The following ABCA12 variants were observed in gnomAD, a reference collection of about 807,000 sequenced individuals.
The protein encoded by ABCA12 is glucosylceramide transporter ABCA12.
Under a neutral mutation model 293.5 loss-of-function variants are expected in ABCA12, and 156 were observed. That is an observed-to-expected ratio of 0.53 (90% CI 0.47 to 0.61). ABCA12 has a LOEUF of 0.61. Ranked by LOEUF, ABCA12 falls within the 20% of genes least tolerant of loss-of-function variation. The probability of loss-of-function intolerance (pLI) is 0.00; values close to 1 mark genes in which losing one functional copy is unlikely to be tolerated. For synonymous variants in ABCA12, 1,063 were observed against 1,108.0 expected (o/e 0.96, Z 0.81); for missense variants, 2,797 against 3,090.2 (o/e 0.91, Z 2.25).
At chr2:214,942,623 A>G (rs1396660913) in intron 50 of ABCA12, among the ~76,000 whole-genome samples, 1 of 152,180 alleles carries the variant, frequency 6.6e-6, no homozygotes, top group Non-Finnish European at 1.5e-5. Context: ...ACCTGAGAGT[A>G]ATTTGGTTAT....
At chr2:214,984,667 C>T (rs781027425) in intron 28 of ABCA12, among the ~76,000 whole-genome samples, 1 of 152,090 alleles carries the variant, frequency 6.6e-6, no homozygotes, top group Non-Finnish European at 1.5e-5. Context: ...TTGCCTCTTT[C>T]CCCATGTGAT....
At chr2:214,975,640 A>G (rs1699496797) in intron 34 of ABCA12, 145 bp downstream of exon 34, 2 of 1,158,522 alleles carry the variant, frequency 1.7e-6, no homozygotes, top group South Asian at 2.7e-5. Flanking sequence ...ATTGCAATCA[A>G]TCAAACTGTT....
At chr2:214,975,673 A>C in intron 34 of ABCA12, 112 bp downstream of exon 34, 2 of 1,394,774 alleles carry the variant, frequency 1.4e-6, no homozygotes, top group Non-Finnish European at 1.0e-6. Context: ...AGAATCAGGT[A>C]CCATGGCTTC....
Position 215,138,357 on chromosome 2 carries a change from GTTC to G in ABCA12, c.-152_-150del, listed in dbSNP as rs770869219. On this transcript the variant is annotated 5_prime_UTR_variant, in exon 1 of 53. Coordinates refer to ENST00000272895, the MANE Select transcript of ABCA12 (RefSeq NM_173076.3). The stretch of plus-strand genomic sequence containing the variant: ...TGAGGGCTGGGGTAAGAAACCCACA[GTTC>G]TTCTGTTTCTGCTGGATTTTTCCCT... 1 of 808,296 alleles carries G rather than the reference GTTC, an allele frequency of 1.2e-6. No homozygotes were observed. Among genetic ancestry groups the G allele is most frequent in the Non-Finnish European group, 2.1e-6 (1 of 469,886 alleles). The allele number at this position is 808,296 out of a possible 1,614,324, so 50.1% of individuals were successfully genotyped here.
At position 215,031,763 on chromosome 2, in the gene ABCA12, G is replaced by T. The variant is rs1490731394; in HGVS notation, c.1061+58C>A. ...GATAAGCGAATTATGTTTAGAAATT[G>T]TTTTGATTGTTTATTCAGCCAAGTT... On this transcript the variant is annotated intron_variant, in intron 9 of 52. Coordinates refer to ENST00000272895, the MANE Select transcript of ABCA12 (RefSeq NM_173076.3). 4.4e-6 allele frequency: 7 copies of T among 1,597,710 alleles called. No individual in the cohort carries two copies. The African/African-American group carries it at 8.0e-5, about 18-fold the overall frequency.
intron 36 of ABCA12, among the ~76,000 whole-genome samples, chr2:214,973,720 A>C (rs1233475628): frequency 6.6e-6 from 1 of 152,164 alleles, no homozygotes; most frequent in African/African-American, 2.4e-5. Context: ...TTCCACAAAG[A>C]CCATCATAGA....
At chr2:214,979,501 C>T (rs932560876) in intron 31 of ABCA12, among the ~76,000 whole-genome samples, 1 of 151,672 alleles carries the variant, frequency 6.6e-6, no homozygotes, top group Non-Finnish European at 1.5e-5. Context: ...CTATCCATAG[C>T]ATAGAAATAA....
At chr2:215,045,086 A>C (rs1470586636) in intron 7 of ABCA12, among the ~76,000 whole-genome samples, 1 of 152,158 alleles carries the variant, frequency 6.6e-6, no homozygotes, top group Non-Finnish European at 1.5e-5. Flanking sequence ...TGTACAAACG[A>C]CTTGGTAACA....
chr2:215,054,057 C>T (rs1701372067), intron 4 of ABCA12, among the ~76,000 whole-genome samples: 1 of 152,030 alleles, frequency 6.6e-6, no homozygotes, highest in Non-Finnish European at 1.5e-5. Flanking sequence ...ACACTGAAGA[C>T]TGTGATACTA....
chr2:215,086,677 G>T (rs1191726723), intron 2 of ABCA12, among the ~76,000 whole-genome samples: 1 of 152,102 alleles, frequency 6.6e-6, no homozygotes, highest in South Asian at 2.1e-4. Flanking sequence ...CTAATGTATT[G>T]TTGCGTGTGC....
intron 18 of ABCA12, among the ~76,000 whole-genome samples, chr2:215,009,518 A>G (rs934947187): frequency 6.6e-6 from 1 of 152,206 alleles, no homozygotes; most frequent in African/African-American, 2.4e-5. Context: ...AAGTTCATAT[A>G]TAACTCAATT....
Position 214,956,510 on chromosome 2 carries a change from T to G in ABCA12, c.6233+153A>C, listed in dbSNP as rs1202304939. ...CAAAAGTATTATACTTTGCAGTCTA[T>G]GGACTAGCAAGTGCAATGTGTTGTT... On this transcript the variant is annotated intron_variant, in intron 42 of 52. Coordinates refer to ENST00000272895, the MANE Select transcript of ABCA12 (RefSeq NM_173076.3). 2.0e-5 allele frequency among the ~76,000 whole-genome samples: 3 copies of G among 152,154 alleles called. No homozygotes were observed. The East Asian group carries it at 5.8e-4, about 29-fold the overall frequency.
intron 34 of ABCA12, among the ~76,000 whole-genome samples, chr2:214,975,204 TC>T (rs1363780457): frequency 1.3e-5 from 2 of 152,168 alleles, no homozygotes; most frequent in African/African-American, 4.8e-5. Context: ...GCTCAAGTAA[TC>T]AGCCCACCTT....
At position 214,998,072 on chromosome 2, in the gene ABCA12, T is replaced by C. The variant is rs186048665; in HGVS notation, c.3180-263A>G. 2.7e-3 allele frequency among the ~76,000 whole-genome samples: 418 copies of C among 152,278 alleles called. 1 individual carries two copies. Among genetic ancestry groups the C allele is most frequent in the Non-Finnish European group, 4.7e-3 (317 of 68,028 alleles). On this transcript the variant is annotated intron_variant, in intron 22 of 52. Transcript: ENST00000272895. ...ACATAAAATTGCCATATTGTTTAAA[T>C]TGTGTTTGAGTATGTGTCTGGGAAA...
At chr2:214,938,546 T>C (rs917703397) in intron 50 of ABCA12, among the ~76,000 whole-genome samples, 3 of 152,200 alleles carry the variant, frequency 2.0e-5, no homozygotes, top group African/African-American at 7.2e-5. Context: ...CCACACTGTC[T>C]TCCACGATGG....
At chr2:214,958,688 C>T (rs1699026916) in intron 40 of ABCA12, among the ~76,000 whole-genome samples, 1 of 152,258 alleles carries the variant, frequency 6.6e-6, no homozygotes, top group Admixed American at 6.5e-5. Context: ...AGAAAAACCT[C>T]GGTCTCCAAC....
At chr2:215,016,712 G>C (rs757318837) in intron 14 of ABCA12, among the ~76,000 whole-genome samples, 4 of 150,452 alleles carry the variant, frequency 2.7e-5, no homozygotes, top group Non-Finnish European at 5.9e-5. Context: ...ATACTCTGTG[G>C]GTCCAGAGAT....
chr2:214,941,794 C>G (rs1182165670), intron 50 of ABCA12, among the ~76,000 whole-genome samples: 1 of 138,768 alleles, frequency 7.2e-6, no homozygotes, highest in Admixed American at 7.2e-5. Flanking sequence ...TTTTTTTTTG[C>G]TTTTCGTTTG....
chr2:215,111,226 G>C (rs758354191), intron 2 of ABCA12, among the ~76,000 whole-genome samples: 3 of 152,190 alleles, frequency 2.0e-5, no homozygotes, highest in Non-Finnish European at 4.4e-5. Context: ...TTGTTCAGTT[G>C]ATCAAATACA....
Sources: allele counts gnomAD v4.1 joint callset (sites outside exome capture counted in the v4.1 genomes callset), GRCh38; gene constraint gnomAD v4.1.1; transcripts MANE v1.5; gene names NCBI Gene and HGNC (gene_info 2026-07-23, HGNC 2026-07-21).